Variants in RNF213 observed in about 807,000 individuals in gnomAD.
RNF213 encodes the protein E3 ubiquitin-protein ligase RNF213.
Under a neutral mutation model 514.4 loss-of-function variants are expected in RNF213, and 341 were observed. The ratio of observed to expected loss-of-function variants is 0.66; its 90% CI spans 0.61 to 0.73. RNF213 has a LOEUF of 0.73. RNF213 is among the 30% of genes least tolerant of loss of function. RNF213 has a pLI of 0.00. For missense variants in RNF213, 5,767 were observed against 6,615.6 expected, an observed-to-expected ratio of 0.87 and a Z score of 4.45; for synonymous variants, 2,655 against 2,658.2, an observed-to-expected ratio of 1.00 and a Z score of 0.04.
At chr17:80,314,325 GTGATGGTGGTGGTGGTGGTGGT>G (rs2045751197) in intron 15 of RNF213, among the ~76,000 whole-genome samples, 1 of 27,406 alleles carries the variant, frequency 3.6e-5, no homozygotes. Context: ...GGTAATGGAG[GTGATGGTGGTGGTGGTGGTGGT>G]GGAGGTACTG....
chr17:80,375,968 T>G (rs955887788), intron 51 of RNF213, 98 bp downstream of exon 51: 2 of 987,928 alleles, frequency 2.0e-6, no homozygotes, highest in African/African-American at 3.2e-5. Flanking sequence ...TACCATAATT[T>G]TTTTATCTAG....
intron 25 of RNF213, among the ~76,000 whole-genome samples, chr17:80,338,582 A>G (rs1599053920): frequency 6.6e-6 from 1 of 151,982 alleles, no homozygotes; most frequent in East Asian, 1.9e-4. Flanking sequence ...CCAGGAGTTC[A>G]TGACCAGCCT....
At position 80,289,676 on chromosome 17, in the gene RNF213, C is replaced by T. The variant is rs770958199; in HGVS notation, c.951C>T (p.Thr317=). ...TGTTCCAGGAAGCTGAGACCAAGAC[C>T]AAGGACGAGATGGCTGCTGCTGAAG... is the stretch of plus-strand genomic sequence containing the variant. The part of the protein sequence containing the change: ...KTHCQEAETK[T]KDEMAAAEEK... The change falls in exon 6 of 68, where the codon ACC becomes ACT. Residue 317 remains threonine (T), a synonymous_variant. Coordinates refer to ENST00000582970, the MANE Select transcript of RNF213 (RefSeq NM_001256071.3). 3 of 1,613,508 alleles carry T rather than the reference C, an allele frequency of 1.9e-6. No homozygotes were observed. The highest frequency in any genetic ancestry group is 2.2e-5 in the East Asian group (1 of 44,878).
At chr17:80,321,830 A>G (rs1021386798) in intron 17 of RNF213, among the ~76,000 whole-genome samples, 2 of 151,900 alleles carry the variant, frequency 1.3e-5, no homozygotes, top group African/African-American at 2.4e-5. Flanking sequence ...GGTTCAAGCA[A>G]TTCTCCTGCC....
At chr17:80,387,050 G>A (rs1476353299) in intron 63 of RNF213, among the ~76,000 whole-genome samples, 159 bp downstream of exon 63, 1 of 152,224 alleles carries the variant, frequency 6.6e-6, no homozygotes, top group African/African-American at 2.4e-5. Flanking sequence ...CACGCCACCT[G>A]TATCTCCGGG....
chr17:80,393,326 CTCT>C lies in RNF213; in HGVS notation c.15471-14_15471-12del, dbSNP rs775503657. ...TGCTGAGGAGACTGTTTTAAATGCT[CTCT>C]TCTTTGGTTTTTCAGCCTGAGAGAC... On this transcript the variant is annotated splice_polypyrimidine_tract_variant and intron_variant, in intron 67 of 67. Transcript: ENST00000582970. 6.2e-6 allele frequency: 10 copies of C among 1,612,612 alleles called. No homozygotes were observed. The African/African-American group carries it at 1.1e-4, about 17-fold the overall frequency.
In RNF213 at chr17:80,299,733, A is replaced by G. The variant is rs536549278; in HGVS notation, c.2210+1215A>G. On this transcript the variant is annotated intron_variant, in intron 11 of 67. Coordinates refer to ENST00000582970, the MANE Select transcript of RNF213 (RefSeq NM_001256071.3). ...TCTTCCCATCCTCCACCCTCTGATAAGCCCCAGTGTGTGTTGTTCCCCTCT... is the reference window on the plus strand; with the variant it reads ...TCTTCCCATCCTCCACCCTCTGATAGGCCCCAGTGTGTGTTGTTCCCCTCT... Among the ~76,000 whole-genome samples, 18 of 152,060 alleles carry G rather than the reference A, an allele frequency of 1.2e-4. No homozygotes were observed. The South Asian group carries it at 2.9e-3, about 25-fold the overall frequency.
In RNF213 at chr17:80,372,754, C is replaced by T. The variant is rs913837637; in HGVS notation, c.12751+20C>T. The T allele has an allele frequency of 6.2e-7, 1 of 1,609,098 alleles. No individual in the cohort carries two copies. Among genetic ancestry groups the T allele is most frequent in the African/African-American group, 1.3e-5 (1 of 74,840 alleles). ...GCCCAGGCAAGTCTTCTCTGCCTTG[C>T]TTTCCTTTGGGTTTAAAGACTCCGT... On this transcript the variant is annotated intron_variant, in intron 48 of 67. Coordinates refer to ENST00000582970, the MANE Select transcript of RNF213 (RefSeq NM_001256071.3).
chr17:80,266,843 T>TA (rs2043626370), intron 2 of RNF213, among the ~76,000 whole-genome samples: 1 of 152,212 alleles, frequency 6.6e-6, no homozygotes, highest in Non-Finnish European at 1.5e-5. Flanking sequence ...TAGACATGAT[T>TA]AAGCTTCTTG....
At chr17:80,312,967 G>A in intron 14 of RNF213, 45 bp from the exon 15 acceptor site, 1 of 1,612,378 alleles carries the variant, frequency 6.2e-7, no homozygotes, top group South Asian at 1.1e-5. Context: ...GGGAACCTGA[G>A]TCCACAGCCG....
In RNF213 at chr17:80,377,699, C is replaced by A; in HGVS notation, c.13511-63C>A. ...CCAGAGAGTAGAGAGTTAGCTTTCC[C>A]TTTTCAATGTGGGTCATTGGGTGAA... On this transcript the variant is annotated intron_variant, in intron 53 of 67. Coordinates refer to ENST00000582970, the MANE Select transcript of RNF213 (RefSeq NM_001256071.3). This position sits in a 1 kb window ranked among gnomAD's most constrained non-coding sequence, Gnocchi z 4.1. 6.3e-7 allele frequency: 1 copy of A among 1,586,874 alleles called. No individual in the cohort carries two copies. Among genetic ancestry groups the A allele is most frequent in the South Asian group, 1.1e-5 (1 of 90,528 alleles).
In RNF213 at chr17:80,344,953, G is replaced by T. The variant is rs760467618; in HGVS notation, c.6618G>T (p.Gly2206=). 5 of 1,614,026 alleles carry T rather than the reference G, an allele frequency of 3.1e-6. No individual in the cohort carries two copies. The East Asian group carries it at 1.1e-4, about 36-fold the overall frequency. Residue 2206 remains glycine, a synonymous_variant, in exon 29 of 68, where the codon GGG becomes GGT. Coordinates refer to ENST00000582970, the MANE Select transcript of RNF213 (RefSeq NM_001256071.3). ...TCCAGCATTTCCTGTTTCACTGCGG[G>T]GTAATAAACCCATCCTGGTCAGAGC... ...ECLQHFLFHC[G]VINPSWSELR...
chr17:80,268,301 C>T (rs551594071), intron 2 of RNF213, among the ~76,000 whole-genome samples: 1 of 146,234 alleles, frequency 6.8e-6, no homozygotes, highest in East Asian at 2.0e-4. Flanking sequence ...CTGCAGTGAG[C>T]CGTGATCATA....
chr17:80,375,876 TA>T lies in RNF213; in HGVS notation c.13185+8del, dbSNP rs754733669. 6.4e-7 allele frequency: 1 copy of T among 1,569,234 alleles called. No homozygotes were observed. Among genetic ancestry groups the T allele is most frequent in the Non-Finnish European group, 8.8e-7 (1 of 1,139,102 alleles). ...GCCTCCACCCCACGCCAGAGGTGAG[TA>T]ACCGCCTGCAGGGCTGTGTTCAAAG... On this transcript the variant is annotated splice_region_variant and intron_variant, in intron 51 of 67. Coordinates refer to ENST00000582970, the MANE Select transcript of RNF213 (RefSeq NM_001256071.3).
At chr17:80,273,735 T>C (rs1448733707) in intron 3 of RNF213, among the ~76,000 whole-genome samples, 1 of 149,800 alleles carries the variant, frequency 6.7e-6, no homozygotes, top group East Asian at 2.0e-4. Context: ...TTCTCCTGCC[T>C]CAGCCTCCCA....
chr17:80,294,245 C>T (rs906806458), intron 8 of RNF213, among the ~76,000 whole-genome samples: 1 of 152,246 alleles, frequency 6.6e-6, no homozygotes, highest in Non-Finnish European at 1.5e-5. Flanking sequence ...TCTGTGCCAG[C>T]TGGGCAGCCT....
intron 49 of RNF213, among the ~76,000 whole-genome samples, chr17:80,373,633 C>T (rs2079614531): frequency 6.6e-6 from 1 of 152,114 alleles, no homozygotes; most frequent in African/African-American, 2.4e-5. Flanking sequence ...TTGCAAGGTG[C>T]GACCTTTTTA....
chr17:80,267,942 C>T (rs537038492), intron 2 of RNF213, among the ~76,000 whole-genome samples: 2 of 151,976 alleles, frequency 1.3e-5, no homozygotes, highest in East Asian at 3.9e-4. Context: ...GCCTCAGCCT[C>T]CCAAGTAGCT....
At position 80,295,819 on chromosome 17, in the gene RNF213, A is replaced by G. The variant is rs2044920925; in HGVS notation, c.2012+6A>G. 1 of 1,614,032 alleles carries G rather than the reference A, an allele frequency of 6.2e-7. No homozygotes were observed. The highest frequency in any genetic ancestry group is 8.5e-7 in the Non-Finnish European group (1 of 1,179,940). ...ATCCTTGGGATACCTCAGAGGTATTATTATTTTTTGTCAAAATGTTTTTTA... is the reference window on the plus strand; with the variant it reads ...ATCCTTGGGATACCTCAGAGGTATTGTTATTTTTTGTCAAAATGTTTTTTA... On this transcript the variant is annotated splice_donor_region_variant and intron_variant, in intron 10 of 67. Coordinates refer to ENST00000582970, the MANE Select transcript of RNF213 (RefSeq NM_001256071.3).
Sources: gnomAD v4.1 joint callset for allele counts (sites outside exome capture counted in the v4.1 genomes callset) on GRCh38, gnomAD v4.1.1 for gene constraint, Gnocchi (gnomAD v3.1) non-coding constraint, MANE v1.5 for transcripts, NCBI Gene and HGNC (gene_info 2026-07-23, HGNC 2026-07-21) for gene names.